The following ZNF532 variants were observed in gnomAD, a reference collection of about 807,000 sequenced individuals.
ZNF532 encodes zinc finger protein 532.
In ZNF532, 22 loss-of-function variants were observed where a neutral mutation model predicts 89.3. The observed-to-expected ratio is 0.25, with a 90% CI of 0.18 to 0.35. The LOEUF (loss-of-function observed/expected upper bound fraction) is 0.35. Among genes scored for constraint, ZNF532 ranks in the 10% least tolerant of loss-of-function variants. The pLI, the probability that ZNF532 is intolerant of heterozygous loss-of-function variation, is 1.00. For synonymous variants in ZNF532, 606 were observed against 649.6 expected, an observed-to-expected ratio of 0.93 and a Z score of 1.02; for missense variants, 1,132 against 1,643.4, an observed-to-expected ratio of 0.69 and a Z score of 5.38.
At chr18:58,939,762 CAGCTCAT>C (rs1320764654) in intron 5 of ZNF532, 141 bp downstream of exon 5, 3 of 640,392 alleles carry the variant, frequency 4.7e-6, no homozygotes, top group Non-Finnish European at 7.6e-6. Context: ...TTATGAAATA[CAGCTCAT>C]AGCTCATCCA....
chr18:58,929,422 T>C (rs1352266858), intron 3 of ZNF532, among the ~76,000 whole-genome samples: 1 of 152,236 alleles, frequency 6.6e-6, no homozygotes, highest in Non-Finnish European at 1.5e-5. Flanking sequence ...CTCAGACAGC[T>C]TCCTCTGGAA....
In ZNF532 at chr18:58,904,894, T is replaced by C. The variant is rs937525384; in HGVS notation, c.-17-13377T>C. Among the ~76,000 whole-genome samples the C allele has an allele frequency of 2.0e-5, 3 of 150,554 alleles. No homozygotes were observed. The South Asian group carries it at 6.3e-4, about 32-fold the overall frequency. On this transcript the variant is annotated intron_variant, in intron 2 of 9. Transcript: ENST00000591808. Reference sequence around the variant, plus strand: ...CTCACTCTTGTCACCCAGGCTGGAGTGTAGTGGCACGATCTTCGCTCACTG... The same window carrying C: ...CTCACTCTTGTCACCCAGGCTGGAGCGTAGTGGCACGATCTTCGCTCACTG...
intron 2 of ZNF532, among the ~76,000 whole-genome samples, chr18:58,871,744 C>A (rs1461010355): frequency 6.6e-6 from 1 of 152,180 alleles, no homozygotes; most frequent in Non-Finnish European, 1.5e-5. Flanking sequence ...TTGTATTTAG[C>A]CAGATTTTCC....
intron 6 of ZNF532, among the ~76,000 whole-genome samples, chr18:58,951,912 G>A (rs1320987245): frequency 1.3e-5 from 2 of 152,104 alleles, no homozygotes; most frequent in African/African-American, 2.4e-5. Context: ...GCCTCCCAAA[G>A]TGCTGGGATT....
intron 6 of ZNF532, among the ~76,000 whole-genome samples, chr18:58,952,303 C>T (rs2064288947): frequency 6.6e-6 from 1 of 152,280 alleles, no homozygotes; most frequent in African/African-American, 2.4e-5. Flanking sequence ...AACTGCAAGC[C>T]TGACTGCTAG....
At chr18:58,964,535 T>TTGTGTGTGTGTGTGTGTTTG (rs2065709209) in intron 7 of ZNF532, among the ~76,000 whole-genome samples, 1 of 138,554 alleles carries the variant, frequency 7.2e-6, no homozygotes, top group African/African-American at 2.7e-5. Context: ...GATATTTTGT[T>TTGTGTGTGTGTGTGTGTTTG]TGTGTGTGTG....
rs144689085 is a variant in ZNF532 at position 58,952,978 on chromosome 18, T to A, written c.2869-540T>A. 1.8e-3 allele frequency among the ~76,000 whole-genome samples: 275 copies of A among 152,340 alleles called. 1 individual carries two copies. Among genetic ancestry groups the A allele is most frequent in the Middle Eastern group, 0.017 (5 of 294 alleles). ...TAGGATGTAAGGAGATGAAAATTCC[T>A]GACAAAACCCAGCAAAAACCCAGAC... On this transcript the variant is annotated intron_variant, in intron 6 of 9. Transcript: ENST00000591808.
rs772801228 is a variant in ZNF532 at position 58,919,915 on chromosome 18, T to C, written c.1628T>C (p.Val543Ala). Residue 543 changes from valine (V) to alanine (A), a missense_variant, in exon 3 of 10, where the codon GTG becomes GCG. Val to Ala is a moderately conservative substitution (Grantham distance 64). Coordinates refer to ENST00000591808, the MANE Select transcript of ZNF532 (RefSeq NM_001375912.1). The surrounding 1 kb of genome is among the most constrained non-coding windows in gnomAD (Gnocchi z 6.1). ...GAQATSELRQ[V>A]LTKPQQQIKQ... ...CAGGCCACCTCTGAACTCCGCCAAG[T>C]GCTAACCAAACCTCAGCAACAAATA... 5.6e-6 allele frequency: 9 copies of C among 1,613,980 alleles called. No individual in the cohort carries two copies. In the South Asian group the frequency reaches 8.8e-5, roughly 16 times the overall value.
At chr18:58,969,048 T>C (rs1353686394) in intron 7 of ZNF532, among the ~76,000 whole-genome samples, 1 of 152,174 alleles carries the variant, frequency 6.6e-6, no homozygotes. Context: ...ACTTGTAAGA[T>C]AGACAGCACC....
chr18:58,949,683 A>G (rs755827407), intron 6 of ZNF532, among the ~76,000 whole-genome samples: 2 of 152,256 alleles, frequency 1.3e-5, no homozygotes, highest in African/African-American at 2.4e-5. Context: ...CTCAGAAACA[A>G]ACAAACAAAA....
intron 2 of ZNF532, among the ~76,000 whole-genome samples, chr18:58,891,063 C>T (rs961327392): frequency 2.0e-5 from 3 of 152,124 alleles, no homozygotes; most frequent in Non-Finnish European, 4.4e-5. Context: ...GGACTACACA[C>T]GTGCGCCACC....
chr18:58,866,603 TCG>T (rs2056483320), intron 2 of ZNF532, among the ~76,000 whole-genome samples: 2 of 152,294 alleles, frequency 1.3e-5, no homozygotes, highest in East Asian at 3.9e-4. Context: ...TTCCCCTACT[TCG>T]AAGTGGGCAT....
chr18:58,938,267 T>A (rs1291524569), intron 4 of ZNF532, among the ~76,000 whole-genome samples: 1 of 152,226 alleles, frequency 6.6e-6, no homozygotes, highest in Non-Finnish European at 1.5e-5. Context: ...TGGAGACTTT[T>A]GTACCTGCAG....
intron 3 of ZNF532, among the ~76,000 whole-genome samples, chr18:58,932,104 G>A (rs1197100652): frequency 1.3e-5 from 2 of 152,324 alleles, no homozygotes; most frequent in East Asian, 3.9e-4. Context: ...TGATTCCCCA[G>A]TGACCATTTT....
chr18:58,865,396 C>T lies in ZNF532; in HGVS notation c.-128+11C>T, dbSNP rs909673491. ...TATGAAGGCCAAAAGGTAACAATAT[C>T]GTTCTAGGAAATGAACATAAATGCA... On this transcript the variant is annotated intron_variant, in intron 1 of 9. Transcript: ENST00000591808. The T allele has an allele frequency of 3.9e-5, 6 of 152,436 alleles. No homozygotes were observed. The highest frequency in any genetic ancestry group is 1.5e-4 in the African/African-American group (6 of 41,352). 9.4% of individuals were successfully genotyped at this position (152,436 alleles called of 1,614,324 possible). A position where few individuals can be genotyped will look rare whatever the true frequency, so the allele number is the denominator to read the frequency against.
chr18:58,938,877 C>T (rs4558498), intron 4 of ZNF532, among the ~76,000 whole-genome samples: 13,243 of 152,258 alleles, frequency 0.087, 771 homozygotes, highest in Middle Eastern at 0.16. Context: ...GACATCCATT[C>T]TTAAAAATGT....
chr18:58,874,742 G>A (rs904065621), intron 2 of ZNF532, among the ~76,000 whole-genome samples: 6 of 152,160 alleles, frequency 3.9e-5, no homozygotes, highest in Non-Finnish European at 7.3e-5. Context: ...TGCAATTTAC[G>A]TTGACCAAAG....
chr18:58,937,068 TA>T (rs1320578906), intron 4 of ZNF532, among the ~76,000 whole-genome samples: 1 of 152,202 alleles, frequency 6.6e-6, no homozygotes, highest in Admixed American at 6.5e-5. Context: ...AAAAGTCAAA[TA>T]TTTTTTCTGA....
intron 2 of ZNF532, among the ~76,000 whole-genome samples, chr18:58,886,573 A>G (rs542320431): frequency 2.0e-5 from 3 of 152,288 alleles, no homozygotes; most frequent in South Asian, 2.1e-4. Flanking sequence ...ATTTTATGCT[A>G]TGTGTATTTT....
Sources: gnomAD v4.1 joint callset for allele counts (sites outside exome capture counted in the v4.1 genomes callset) on GRCh38, gnomAD v4.1.1 for gene constraint, Gnocchi (gnomAD v3.1) non-coding constraint, MANE v1.5 for transcripts, NCBI Gene and HGNC (gene_info 2026-07-23, HGNC 2026-07-21) for gene names.